FRAS1: variants seen among roughly 807,000 people sequenced by gnomAD.
FRAS1 encodes the protein Fraser extracellular matrix complex subunit 1.
A neutral mutation model predicts 435.2 loss-of-function variants in FRAS1; 290 were observed. The observed-to-expected ratio is 0.67, with a 90% CI of 0.61 to 0.73. The LOEUF (loss-of-function observed/expected upper bound fraction) is 0.73, where lower values mean the gene tolerates loss of function less well. FRAS1 is among the 30% of genes least tolerant of loss of function. The probability of loss-of-function intolerance (pLI) is 0.00; values close to 1 mark genes in which losing one functional copy is unlikely to be tolerated. For missense variants in FRAS1, 4,860 were observed against 5,001.5 expected, an observed-to-expected ratio of 0.97 and a Z score of 0.85; for synonymous variants, 1,800 against 1,851.0, an observed-to-expected ratio of 0.97 and a Z score of 0.71.
intron 29 of FRAS1, among the ~76,000 whole-genome samples, chr4:78,388,042 G>A (rs1376336258): frequency 6.6e-6 from 1 of 152,086 alleles, no homozygotes; most frequent in Admixed American, 6.5e-5. Context: ...AACAGCTCAT[G>A]AGGCCAGGTG....
At chr4:78,388,105 C>A (rs1257863528) in intron 29 of FRAS1, among the ~76,000 whole-genome samples, 2 of 151,956 alleles carry the variant, frequency 1.3e-5, no homozygotes, top group African/African-American at 2.4e-5. Context: ...GTGGGTGGAT[C>A]ACGAGGTCAG....
chr4:78,277,409 T>C (rs11098131), intron 9 of FRAS1, among the ~76,000 whole-genome samples: 143,920 of 152,238 alleles, frequency 0.95, 68,430 homozygotes, highest in Non-Finnish European at 1. Context: ...GCATCACTCA[T>C]GCTGGTAGCT....
chr4:78,389,854 A>G (rs999216948), intron 29 of FRAS1, among the ~76,000 whole-genome samples: 1 of 152,184 alleles, frequency 6.6e-6, no homozygotes, highest in Admixed American at 6.5e-5. Flanking sequence ...GAAAAATGGA[A>G]ATTTAATTCA....
intron 58 of FRAS1, among the ~76,000 whole-genome samples, chr4:78,487,474 A>C (rs1417010404): frequency 6.6e-6 from 1 of 152,128 alleles, no homozygotes; most frequent in Non-Finnish European, 1.5e-5. Flanking sequence ...TCCAGGAGGC[A>C]GCCAGGAAAT....
chr4:78,432,504 C>A lies in FRAS1; in HGVS notation c.5117C>A (p.Ser1706Ter). The change falls in exon 38 of 74, where the codon TCA becomes TAA. Residue 1706 changes from serine (S) to a stop codon, truncating the protein, a stop_gained. Coordinates refer to ENST00000512123, the MANE Select transcript of FRAS1 (RefSeq NM_025074.7). LOFTEE classifies it high-confidence loss of function. Reference sequence around the variant, plus strand: ...GAGGTGAGAGTAGAGGTGTCCCTGTCAGAAGACCGAGGGCCTCGACTGGCT... The same window carrying A: ...GAGGTGAGAGTAGAGGTGTCCCTGTAAGAAGACCGAGGGCCTCGACTGGCT... ...MLEVRVEVSL[S>*]EDRGPRLAAG... is the part of the protein sequence containing the mutation. 6.2e-7 allele frequency: 1 copy of A among 1,612,996 alleles called. No individual in the cohort carries two copies. The highest frequency in any genetic ancestry group is 2.2e-5 in the East Asian group (1 of 44,872).
Position 78,540,900 on chromosome 4 carries a change from G to T in FRAS1, c.11815G>T (p.Ala3939Ser), listed in dbSNP as rs375807410. 18 of 1,613,962 alleles carry T rather than the reference G, an allele frequency of 1.1e-5. No individual in the cohort carries two copies. Among genetic ancestry groups the T allele is most frequent in the Non-Finnish European group, 1.5e-5 (18 of 1,179,882 alleles). The change falls in exon 74 of 74, where the codon GCA becomes TCA. Residue 3939 changes from alanine (A) to serine (S), a missense_variant. Coordinates refer to ENST00000512123, the MANE Select transcript of FRAS1 (RefSeq NM_025074.7). ...CCAGAAACAGAGGAAGAAGAAGCCCGCAGAGGACATTTTGGAAGAATATCC... is the reference window on the plus strand; with the variant it reads ...CCAGAAACAGAGGAAGAAGAAGCCCTCAGAGGACATTTTGGAAGAATATCC... ...KCQKQRKKKP[A>S]EDILEEYPLN... is the part of the protein sequence containing the mutation.
intron 73 of FRAS1, among the ~76,000 whole-genome samples, chr4:78,540,105 T>C (rs1190398041): frequency 6.6e-6 from 1 of 152,244 alleles, no homozygotes; most frequent in Non-Finnish European, 1.5e-5. Context: ...GAATATTTTG[T>C]TGAATGACTC....
chr4:78,366,859 C>T (rs76215374), intron 22 of FRAS1, among the ~76,000 whole-genome samples: 218 of 152,222 alleles, frequency 1.4e-3, no homozygotes, highest in African/African-American at 4.7e-3. Flanking sequence ...AGCTGAGAAC[C>T]CGAGGGACGT....
chr4:78,256,721 G>T (rs1725813334), intron 6 of FRAS1, among the ~76,000 whole-genome samples: 1 of 151,982 alleles, frequency 6.6e-6, no homozygotes, highest in Non-Finnish European at 1.5e-5. Flanking sequence ...ATGAAATTTG[G>T]TACCATACTT....
At chr4:78,269,309 A>C (rs1726530787) in intron 9 of FRAS1, among the ~76,000 whole-genome samples, 1 of 152,204 alleles carries the variant, frequency 6.6e-6, no homozygotes, top group South Asian at 2.1e-4. Context: ...AGTTAAATAT[A>C]TTAGGAGCTC....
At chr4:78,224,963 G>T (rs148877819) in intron 2 of FRAS1, among the ~76,000 whole-genome samples, 13 of 152,302 alleles carry the variant, frequency 8.5e-5, no homozygotes, top group Admixed American at 4.6e-4. Context: ...CGCATTAGTA[G>T]TGGTCATATA....
intron 2 of FRAS1, among the ~76,000 whole-genome samples, chr4:78,138,826 T>C (rs1392642280): frequency 2.6e-5 from 4 of 152,248 alleles, no homozygotes; most frequent in East Asian, 3.8e-4. Context: ...GCTGACATTA[T>C]ATAAGTTGCT....
chr4:78,432,636 C>T (rs1180367333), intron 38 of FRAS1, 32 bp downstream of exon 38: 5 of 1,529,998 alleles, frequency 3.3e-6, no homozygotes. Flanking sequence ...GTTTGTTCTC[C>T]ACCGCCGCAT....
intron 2 of FRAS1, among the ~76,000 whole-genome samples, chr4:78,216,842 G>A (rs1032932606): frequency 3.3e-5 from 5 of 152,098 alleles, no homozygotes; most frequent in African/African-American, 1.2e-4. Context: ...AGAAGGGAGA[G>A]ACTGTGTCAG....
intron 2 of FRAS1, among the ~76,000 whole-genome samples, chr4:78,090,694 C>G (rs888355521): frequency 6.6e-6 from 1 of 152,178 alleles, no homozygotes; most frequent in Non-Finnish European, 1.5e-5. Flanking sequence ...ATGATTTTCT[C>G]ATTGTCATTA....
chr4:78,420,879 C>CATATATGT (rs1314034222), intron 33 of FRAS1, among the ~76,000 whole-genome samples: 69 of 95,516 alleles, frequency 7.2e-4, no homozygotes, highest in African/African-American at 2.6e-3. Flanking sequence ...ACTAATAGGA[C>CATATATGT]ATATATATAT....
At chr4:78,079,898 G>A (rs1472021649) in intron 2 of FRAS1, among the ~76,000 whole-genome samples, 1 of 152,148 alleles carries the variant, frequency 6.6e-6, no homozygotes. Flanking sequence ...GCTGGCCAAA[G>A]AGAAAGCAGC....
At chr4:78,432,273 A>C (rs976191951) in intron 37 of FRAS1, 84 bp from the exon 38 acceptor site, 2 of 1,374,400 alleles carry the variant, frequency 1.5e-6, no homozygotes, top group Non-Finnish European at 1.9e-6. Context: ...TATGAACCTT[A>C]AAGTCCTGAA....
Position 78,400,923 on chromosome 4 carries a change from G to T in FRAS1, c.4129+36G>T, listed in dbSNP as rs1356003186. ...TTTCCTTTGGCGTGGTTTCATCGTT[G>T]CATTCAGCAGTCTAGGGTTTGCTAC... On this transcript the variant is annotated intron_variant, in intron 30 of 73. Coordinates refer to ENST00000512123, the MANE Select transcript of FRAS1 (RefSeq NM_025074.7). The T allele has an allele frequency of 2.5e-6, 4 of 1,605,584 alleles. No homozygotes were observed. In the Admixed American group the frequency reaches 6.7e-5, roughly 27 times the overall value.
Sources: gnomAD v4.1 joint callset for allele counts (sites outside exome capture counted in the v4.1 genomes callset) on GRCh38, gnomAD v4.1.1 for gene constraint, MANE v1.5 for transcripts, NCBI Gene and HGNC (gene_info 2026-07-23, HGNC 2026-07-21) for gene names.